DMD: variants seen among roughly 807,000 people sequenced by gnomAD.
DMD encodes the protein mutant dystrophin.
DMD carries 63 observed loss-of-function variants against 330.1 expected under a neutral mutation model. The ratio of observed to expected loss-of-function variants is 0.19; its 90% CI spans 0.16 to 0.24. The LOEUF (loss-of-function observed/expected upper bound fraction) is 0.24, where lower values mean the gene tolerates loss of function less well. Ranked by LOEUF, DMD falls within the 10% of genes least tolerant of loss-of-function variation. DMD has a pLI of 1.00. For missense variants in DMD, 3,344 were observed against 2,684.1 expected (o/e 1.25, Z -5.43); for synonymous variants, 1,223 against 959.8 (o/e 1.27, Z -5.07).
Position 32,010,443 on chromosome X carries a change from A to G in DMD, c.6439-41929T>C, listed in dbSNP as rs550003673. Among the ~76,000 whole-genome samples, 10 of 111,629 alleles carry G rather than the reference A, an allele frequency of 9.0e-5. No individual in the cohort carries two copies. The South Asian group carries it at 3.4e-3, about 38-fold the overall frequency. ...AATCAGACACTCTCTCTCCCCGCCA[A>G]GAGCCTCTTGTTAAACATTTACCAG... On this transcript the variant is annotated intron_variant, in intron 44 of 78. Coordinates refer to ENST00000357033, the MANE Select transcript of DMD (RefSeq NM_004006.3).
intron 63 of DMD, among the ~76,000 whole-genome samples, chrX:31,242,895 G>T (rs1401630626): frequency 9.0e-6 from 1 of 111,503 alleles, no homozygotes; most frequent in Non-Finnish European, 1.9e-5. Flanking sequence ...TCTACAGACA[G>T]AAAGGACTTA....
chrX:32,949,307 T>C (rs1452369782), intron 2 of DMD, among the ~76,000 whole-genome samples: 1 of 102,839 alleles, frequency 9.7e-6, no homozygotes, highest in Non-Finnish European at 2.0e-5. Flanking sequence ...CATAATATAT[T>C]AGATGATAGA....
intron 18 of DMD, among the ~76,000 whole-genome samples, chrX:32,512,917 CTA>C (rs1695265965): frequency 9.0e-6 from 1 of 111,124 alleles, no homozygotes; most frequent in Non-Finnish European, 1.9e-5. Context: ...TAGGGTAATT[CTA>C]TGTTGAGTGT....
intron 1 of DMD, among the ~76,000 whole-genome samples, chrX:33,249,012 G>A (rs987386570): frequency 1.8e-5 from 2 of 112,596 alleles, no homozygotes; most frequent in African/African-American, 6.4e-5. Flanking sequence ...AGAATGCAGA[G>A]GGTTGTATTT....
At chrX:33,197,548 A>G (rs1212968984) in intron 1 of DMD, among the ~76,000 whole-genome samples, 2 of 111,617 alleles carry the variant, frequency 1.8e-5, no homozygotes, top group Non-Finnish European at 3.8e-5. Flanking sequence ...CATCACCACA[A>G]GGCTCCATTG....
intron 1 of DMD, among the ~76,000 whole-genome samples, chrX:33,051,526 T>C (rs2094456604): frequency 9.1e-6 from 1 of 109,933 alleles, no homozygotes; most frequent in Non-Finnish European, 1.9e-5. Flanking sequence ...CCGACTTTTT[T>C]AGACCACAGG....
At chrX:31,948,520 TCAA>T (rs2095118619) in intron 45 of DMD, among the ~76,000 whole-genome samples, 1 of 110,911 alleles carries the variant, frequency 9.0e-6, no homozygotes, top group Non-Finnish European at 1.9e-5. Flanking sequence ...CCTCACATCC[TCAA>T]CAACATTTCT....
rs187847573 is a variant in DMD, at chrX:31,661,386, A to T, written c.7873-3242T>A. On this transcript the variant is annotated intron_variant, in intron 53 of 78. Coordinates refer to ENST00000357033, the MANE Select transcript of DMD (RefSeq NM_004006.3). ...TTTTTTTTTTTCTCCCTTCTTAAAG[A>T]CATTCCCCACACAGAATGTTTTCCC... 9.0e-3 allele frequency among the ~76,000 whole-genome samples: 989 copies of T among 109,486 alleles called. 45 individuals are homozygous for T. Among genetic ancestry groups the T allele is most frequent in the Admixed American group, 0.086 (871 of 10,179 alleles).
chrX:32,714,165 T>C (rs891540391), intron 7 of DMD, among the ~76,000 whole-genome samples: 8 of 111,818 alleles, frequency 7.2e-5, no homozygotes, highest in African/African-American at 1.6e-4. Context: ...TAGATCTTGA[T>C]TGAAGTAACT....
intron 9 of DMD, among the ~76,000 whole-genome samples, chrX:32,697,133 A>G (rs2063715712): frequency 8.9e-6 from 1 of 111,945 alleles, no homozygotes; most frequent in South Asian, 3.7e-4. Context: ...TTTGTTAAAA[A>G]GTAATTCTTG....
intron 63 of DMD, among the ~76,000 whole-genome samples, chrX:31,259,851 C>A (rs761015362): frequency 4.1e-4 from 45 of 110,992 alleles, no homozygotes; most frequent in Non-Finnish European, 7.4e-4. Flanking sequence ...ACCCCACTTA[C>A]GTATACCTAC....
chrX:33,058,471 A>ATT (rs1163854705), intron 1 of DMD, among the ~76,000 whole-genome samples: 1 of 51,041 alleles, frequency 2.0e-5, no homozygotes, highest in Non-Finnish European at 3.0e-5. Flanking sequence ...TTATTATTTT[A>ATT]TTTTTTTTTT....
At chrX:31,146,948 T>C (rs903645415) in intron 75 of DMD, among the ~76,000 whole-genome samples, 3 of 112,081 alleles carry the variant, frequency 2.7e-5, no homozygotes, top group Non-Finnish European at 5.6e-5. Flanking sequence ...TATAACTAAT[T>C]GTAAATGAAA....
At chrX:31,444,288 T>C (rs1466915846) in intron 60 of DMD, among the ~76,000 whole-genome samples, 193 bp downstream of exon 60, 1 of 111,584 alleles carries the variant, frequency 9.0e-6, no homozygotes, top group Non-Finnish European at 1.9e-5. Flanking sequence ...TACTAAGTCT[T>C]AGTTGCTTCC....
chrX:31,306,301 T>C (rs1342907817), intron 62 of DMD, among the ~76,000 whole-genome samples: 1 of 111,718 alleles, frequency 9.0e-6, no homozygotes, highest in African/African-American at 3.2e-5. Flanking sequence ...TGCTGCACTG[T>C]TCAGTATCAT....
intron 1 of DMD, among the ~76,000 whole-genome samples, chrX:33,076,064 C>A (rs1478272412): frequency 1.8e-5 from 2 of 111,478 alleles, no homozygotes; most frequent in Non-Finnish European, 3.8e-5. Flanking sequence ...GTTTTGCAGA[C>A]CCTGCACTCG....
chrX:32,379,934 C>A (rs927801639), intron 34 of DMD, among the ~76,000 whole-genome samples: 1 of 110,208 alleles, frequency 9.1e-6, no homozygotes, highest in Non-Finnish European at 1.9e-5. Flanking sequence ...AAAAAAAATA[C>A]TAAGCTATGA....
intron 1 of DMD, among the ~76,000 whole-genome samples, chrX:33,284,040 A>G (rs2148924219): frequency 9.0e-6 from 1 of 110,934 alleles, no homozygotes; most frequent in African/African-American, 3.3e-5. Flanking sequence ...AACAAAACAA[A>G]TCTGTCAAAA....
At chrX:31,503,499 G>A (rs1472998651) in intron 56 of DMD, among the ~76,000 whole-genome samples, 1 of 111,997 alleles carries the variant, frequency 8.9e-6, no homozygotes, top group Admixed American at 9.5e-5. Context: ...CACATATTTC[G>A]AGTTTGAAAT....
Sources: gnomAD v4.1 joint callset for allele counts (sites outside exome capture counted in the v4.1 genomes callset) on GRCh38, gnomAD v4.1.1 for gene constraint, MANE v1.5 for transcripts, NCBI Gene and HGNC (gene_info 2026-07-23, HGNC 2026-07-21) for gene names.